The following LSAMP variants were observed in gnomAD, a reference collection of about 807,000 sequenced individuals.
LSAMP encodes the protein limbic system-associated membrane protein.
A neutral mutation model predicts 38.6 loss-of-function variants in LSAMP; 7 were observed. The ratio of observed to expected loss-of-function variants is 0.18; its 90% CI spans 0.10 to 0.34. The LOEUF is 0.34. LSAMP is among the 10% of genes least tolerant of loss of function. The pLI is 1.00. For synonymous variants in LSAMP, 154 were observed against 166.8 expected, an observed-to-expected ratio of 0.92 and a Z score of 0.59; for missense variants, 313 against 420.0, an observed-to-expected ratio of 0.75 and a Z score of 2.23.
At chr3:115,882,341 T>C (rs1375710023) in intron 3 of LSAMP, among the ~76,000 whole-genome samples, 1 of 152,120 alleles carries the variant, frequency 6.6e-6, no homozygotes, top group East Asian at 1.9e-4. Context: ...AAGGATCTTT[T>C]TAAGACTTTT....
intron 3 of LSAMP, among the ~76,000 whole-genome samples, chr3:115,949,225 C>G (rs1340034187): frequency 6.6e-6 from 1 of 152,108 alleles, no homozygotes; most frequent in Non-Finnish European, 1.5e-5. Flanking sequence ...GGCCACTGCA[C>G]TGCAGCTTGG....
rs984225890 is a variant in LSAMP at position 115,802,923 on chromosome 3, C to A, written c.*7394G>T. 2 of 152,000 alleles carry A rather than the reference C, an allele frequency of 1.3e-5. No homozygotes were observed. Among genetic ancestry groups the A allele is most frequent in the African/African-American group, 2.4e-5 (1 of 41,366 alleles). The allele number at this position is 152,000 out of a possible 1,614,324, so 9.4% of individuals were successfully genotyped here. A position where few individuals can be genotyped will look rare whatever the true frequency, so the allele number is the denominator to read the frequency against. On this transcript the variant is annotated 3_prime_UTR_variant, in exon 7 of 7. Transcript: ENST00000490035. Reference sequence around the variant, plus strand: ...CTACTCCAAGTAAATACTTAGGGAGCAGAACTTGGCCACAGTTCACCAGGA... The same window carrying A: ...CTACTCCAAGTAAATACTTAGGGAGAAGAACTTGGCCACAGTTCACCAGGA...
intron 1 of LSAMP, among the ~76,000 whole-genome samples, chr3:116,351,794 A>G (rs2048144212): frequency 6.6e-6 from 1 of 152,084 alleles, no homozygotes; most frequent in African/African-American, 2.4e-5. Context: ...GTGAATAAAT[A>G]CATTTGGAAG....
At chr3:116,081,362 G>T (rs1438355063) in intron 2 of LSAMP, among the ~76,000 whole-genome samples, 1 of 151,956 alleles carries the variant, frequency 6.6e-6, no homozygotes, top group East Asian at 1.9e-4. Context: ...GCTGAGGCAG[G>T]AGAATTGCTT....
chr3:116,289,736 G>A (rs1348511829), intron 1 of LSAMP, among the ~76,000 whole-genome samples: 3 of 152,036 alleles, frequency 2.0e-5, no homozygotes, highest in African/African-American at 4.8e-5. Flanking sequence ...TTAGTTCACT[G>A]TCCCAGCACA....
chr3:116,431,835 A>C (rs2049285577), intron 1 of LSAMP, among the ~76,000 whole-genome samples: 1 of 152,088 alleles, frequency 6.6e-6, no homozygotes, highest in African/African-American at 2.4e-5. Context: ...AGAAAATAGA[A>C]ATTTAGTATG....
chr3:115,884,148 G>A (rs1331637930), intron 3 of LSAMP, among the ~76,000 whole-genome samples: 1 of 152,004 alleles, frequency 6.6e-6, no homozygotes, highest in African/African-American at 2.4e-5. Context: ...TTTGCAAAGG[G>A]ATGAAGAAAA....
At chr3:115,834,431 T>A (rs1559842238) in intron 6 of LSAMP, 7 of 705,406 alleles carry the variant, frequency 9.9e-6, no homozygotes, top group Non-Finnish European at 1.5e-5. Context: ...AAAAAAGGTT[T>A]AAGGGAAAAA....
chr3:115,900,448 G>A (rs1176264442), intron 3 of LSAMP, among the ~76,000 whole-genome samples: 5 of 150,740 alleles, frequency 3.3e-5, no homozygotes, highest in East Asian at 2.0e-4. Flanking sequence ...CCCAGGAGGC[G>A]GAGGTTGCAG....
chr3:116,210,859 G>A (rs6806935), intron 1 of LSAMP, among the ~76,000 whole-genome samples: 93,175 of 151,932 alleles, frequency 0.61, 29,126 homozygotes, highest in East Asian at 0.77. Context: ...TGAAATCAGT[G>A]TGTCGAAGAG....
At chr3:116,332,999 A>G (rs1297241215) in intron 1 of LSAMP, among the ~76,000 whole-genome samples, 4 of 152,138 alleles carry the variant, frequency 2.6e-5, no homozygotes, top group African/African-American at 9.6e-5. Context: ...AATAAAAATT[A>G]CAGAATTAAA....
intron 3 of LSAMP, among the ~76,000 whole-genome samples, chr3:115,890,810 T>G (rs1303647540): frequency 6.6e-6 from 1 of 151,910 alleles, no homozygotes; most frequent in Non-Finnish European, 1.5e-5. Context: ...ATAGCTATTG[T>G]GGTGAAAGCC....
intron 1 of LSAMP, among the ~76,000 whole-genome samples, chr3:116,214,123 C>T (rs987076300): frequency 6.6e-6 from 1 of 152,114 alleles, no homozygotes; most frequent in African/African-American, 2.4e-5. Context: ...ACATCTCATA[C>T]TGAAAAAAGC....
intron 1 of LSAMP, among the ~76,000 whole-genome samples, chr3:116,273,707 T>TATATAC (rs1307543165): frequency 1.9e-5 from 2 of 102,650 alleles, no homozygotes; most frequent in South Asian, 2.7e-4. Context: ...TATATATATA[T>TATATAC]ACACACACAC....
At chr3:116,218,360 G>A (rs2046244663) in intron 1 of LSAMP, among the ~76,000 whole-genome samples, 1 of 152,118 alleles carries the variant, frequency 6.6e-6, no homozygotes, top group Admixed American at 6.5e-5. Context: ...GATGAATTCT[G>A]TTTTAGAAAG....
intron 1 of LSAMP, among the ~76,000 whole-genome samples, chr3:116,352,034 C>A (rs2048147668): frequency 6.6e-6 from 1 of 152,036 alleles, no homozygotes; most frequent in African/African-American, 2.4e-5. Context: ...CATGCTTCTT[C>A]ATCAGCTCCA....
At chr3:116,291,433 T>TC in intron 1 of LSAMP, among the ~76,000 whole-genome samples, 1 of 152,302 alleles carries the variant, frequency 6.6e-6, no homozygotes, top group Non-Finnish European at 1.5e-5. Flanking sequence ...ACGCTTAACC[T>TC]CCGTGGGTTT....
intron 1 of LSAMP, among the ~76,000 whole-genome samples, chr3:116,335,596 T>A (rs763400258): frequency 1.1e-4 from 16 of 152,170 alleles, no homozygotes; most frequent in Admixed American, 2.0e-4. Context: ...GGTGGGCACC[T>A]GCTAAACCTA....
intron 1 of LSAMP, among the ~76,000 whole-genome samples, chr3:116,423,327 C>T (rs918998810): frequency 2.0e-5 from 3 of 152,306 alleles, no homozygotes; most frequent in South Asian, 2.1e-4. Flanking sequence ...AAAGAGGACA[C>T]GATGCCAGAA....
Sources: allele counts gnomAD v4.1 joint callset (sites outside exome capture counted in the v4.1 genomes callset), GRCh38; gene constraint gnomAD v4.1.1; transcripts MANE v1.5; gene names NCBI Gene and HGNC (gene_info 2026-07-23, HGNC 2026-07-21).